Variants in ICA1L observed in about 807,000 individuals in gnomAD.
ICA1L encodes islet cell autoantigen 1-like protein.
In ICA1L, 50 loss-of-function variants were observed where a neutral mutation model predicts 61.3. That is an observed-to-expected ratio of 0.82 (90% confidence interval 0.65 to 1.03). The LOEUF (loss-of-function observed/expected upper bound fraction) is 1.03. Among genes scored for constraint, ICA1L ranks in the 50% least tolerant of loss-of-function variants. The pLI is 0.00. For missense variants in ICA1L, 508 were observed against 556.7 expected (o/e 0.91, Z 0.88); for synonymous variants, 161 against 191.3 (o/e 0.84, Z 1.31).
intron 9 of ICA1L, among the ~76,000 whole-genome samples, chr2:202,810,747 T>A (rs1693353639): frequency 6.6e-6 from 1 of 152,184 alleles, no homozygotes; most frequent in Non-Finnish European, 1.5e-5. Context: ...ATTCTTTTTC[T>A]CAGCAAGGAA....
At chr2:202,811,832 AC>A in intron 8 of ICA1L, 43 bp from the exon 9 acceptor site, 1 of 1,391,224 alleles carries the variant, frequency 7.2e-7, no homozygotes, top group Non-Finnish European at 1.0e-6. Context: ...TTGTTATAAT[AC>A]ACTTGTGATT....
intron 10 of ICA1L, among the ~76,000 whole-genome samples, chr2:202,789,372 G>A (rs1415703303): frequency 3.3e-5 from 5 of 152,034 alleles, no homozygotes; most frequent in Non-Finnish European, 7.4e-5. Context: ...AAAAGACATA[G>A]AAACAAATTA....
chr2:202,815,288 A>C (rs1574348574), intron 7 of ICA1L, among the ~76,000 whole-genome samples: 1 of 152,164 alleles, frequency 6.6e-6, no homozygotes, highest in African/African-American at 2.4e-5. Context: ...TCCATCCTAA[A>C]CCCCAGAAAT....
At position 202,776,570 on chromosome 2, in the gene ICA1L, T is replaced by C. The variant is rs1176630900; in HGVS notation, c.*2963A>G. The C allele has an allele frequency of 1.3e-5, 2 of 152,230 alleles. No individual in the cohort carries two copies. The highest frequency in any genetic ancestry group is 2.9e-5 in the Non-Finnish European group (2 of 68,040). The allele number at this position is 152,230 out of a possible 1,614,324, so 9.4% of individuals were successfully genotyped here. A position where few individuals can be genotyped will look rare whatever the true frequency, so the allele number is the denominator to read the frequency against. On this transcript the variant is annotated 3_prime_UTR_variant, in exon 13 of 13. Transcript: ENST00000358299. ...GTTTTTTATATTAGCAGTATTGGTT[T>C]AATAGAGCAAAATTTCTTTCTGACC...
intron 9 of ICA1L, among the ~76,000 whole-genome samples, chr2:202,808,916 GGACA>G (rs1693300725): frequency 1.3e-5 from 2 of 152,146 alleles, no homozygotes; most frequent in African/African-American, 4.8e-5. Flanking sequence ...TTCCCAAGAA[GGACA>G]GGTACAAACA....
chr2:202,855,152 T>G (rs1037244072), intron 1 of ICA1L, among the ~76,000 whole-genome samples: 1 of 152,216 alleles, frequency 6.6e-6, no homozygotes, highest in East Asian at 1.9e-4. Context: ...TAAAGCAGTG[T>G]TAAGAAGGAA....
At chr2:202,785,479 G>A (rs1241920891) in intron 12 of ICA1L, among the ~76,000 whole-genome samples, 1 of 152,132 alleles carries the variant, frequency 6.6e-6, no homozygotes, top group Non-Finnish European at 1.5e-5. Flanking sequence ...AGTGAGTGCA[G>A]TGGCACAATC....
In ICA1L at chr2:202,774,968, A is replaced by C. The variant is rs1692177651; in HGVS notation, c.*4565T>G. 6.6e-6 allele frequency: 1 copy of C among 152,240 alleles called. No homozygotes were observed. Among genetic ancestry groups the C allele is most frequent in the Non-Finnish European group, 1.5e-5 (1 of 68,050 alleles). 9.4% of individuals were successfully genotyped at this position (152,240 alleles called of 1,614,324 possible). A position where few individuals can be genotyped will look rare whatever the true frequency, so the allele number is the denominator to read the frequency against. ...AATGAGTAGTTAATTTACACCACTG[A>C]GTGAAGAACCATGTTTTGACTTTAA... On this transcript the variant is annotated 3_prime_UTR_variant, in exon 13 of 13. Coordinates refer to ENST00000358299, the MANE Select transcript of ICA1L (RefSeq NM_001288622.3).
In ICA1L at chr2:202,819,795, G is replaced by A. The variant is rs777217598; in HGVS notation, c.464C>T (p.Ala155Val). ...TLMTINRMEQARTEYRGALLW... is the reference protein window; with the variant it reads ...TLMTINRMEQVRTEYRGALLW... Reference sequence around the variant, plus strand: ...TAGAGCTCCTCTGTATTCTGTGCGTGCCTGCTCCATCCGATTAATTGTCAT... The same window carrying A: ...TAGAGCTCCTCTGTATTCTGTGCGTACCTGCTCCATCCGATTAATTGTCAT... The change falls in exon 5 of 13, where the codon GCA becomes GTA. Residue 155 changes from alanine (A) to valine (V), a missense_variant. By Grantham distance (64) the Ala-to-Val change is moderately conservative. Coordinates refer to ENST00000358299, the MANE Select transcript of ICA1L (RefSeq NM_001288622.3). 6.2e-7 allele frequency: 1 copy of A among 1,613,824 alleles called. No individual in the cohort carries two copies. The highest frequency in any genetic ancestry group is 8.5e-7 in the Non-Finnish European group (1 of 1,179,740).
chr2:202,846,835 T>C (rs975895015), intron 1 of ICA1L, among the ~76,000 whole-genome samples: 2 of 152,224 alleles, frequency 1.3e-5, no homozygotes, highest in African/African-American at 2.4e-5. Context: ...TAAGTGCATA[T>C]AAAAATATCT....
At position 202,779,318 on chromosome 2, in the gene ICA1L, T is replaced by C. The variant is rs925150143; in HGVS notation, c.*215A>G. On this transcript the variant is annotated 3_prime_UTR_variant, in exon 13 of 13. Coordinates refer to ENST00000358299, the MANE Select transcript of ICA1L (RefSeq NM_001288622.3). ...ATTTTCCACATAGAAGTTTCTAATATTTTCCACATAGTACCAACAGCTGCA... is the reference window on the plus strand; with the variant it reads ...ATTTTCCACATAGAAGTTTCTAATACTTTCCACATAGTACCAACAGCTGCA... 1.2e-5 allele frequency: 5 copies of C among 408,494 alleles called. No individual in the cohort carries two copies. The highest frequency in any genetic ancestry group is 8.2e-5 in the African/African-American group (4 of 48,830). The allele number at this position is 408,494 out of a possible 1,614,324, so 25.3% of individuals were successfully genotyped here.
Position 202,815,980 on chromosome 2 carries a change from T to C in ICA1L, c.714A>G (p.Thr238=). The C allele has an allele frequency of 6.2e-7, 1 of 1,604,426 alleles. No individual in the cohort carries two copies. The change falls in exon 7 of 13, where the codon ACA becomes ACG. Residue 238 remains threonine (T), a synonymous_variant. Transcript: ENST00000358299. The part of the protein sequence containing the change: ...QRTLLGFWKK[T]ARMMSQIHEA... ...CATGAATTTGGGACATCATTCGAGC[T>C]GTTTTCTTCCAGAATCCAAGCAGTG...
intron 1 of ICA1L, among the ~76,000 whole-genome samples, chr2:202,845,461 T>C (rs1367838629): frequency 6.6e-6 from 1 of 152,024 alleles, no homozygotes; most frequent in Non-Finnish European, 1.5e-5. Flanking sequence ...ACCCTGTTTC[T>C]ACTAAAAATA....
rs905067239 is a variant in ICA1L at position 202,777,876 on chromosome 2, CTTTTTTTTTTT to C, written c.*1646_*1656del. On this transcript the variant is annotated 3_prime_UTR_variant, in exon 13 of 13. Transcript: ENST00000358299. ...ACTGTGAATAACTTAGTTAAAATGT[CTTTTTTTTTTT>C]TTTTTTTTTTTGAGACGGAGTCTTG... 1.2e-4 allele frequency: 14 copies of C among 116,916 alleles called. No homozygotes were observed. The highest frequency in any genetic ancestry group is 4.4e-4 in the African/African-American group (13 of 29,784). The allele number at this position is 116,916 out of a possible 1,614,324, so 7.2% of individuals were successfully genotyped here. A position where few individuals can be genotyped will look rare whatever the true frequency, so the allele number is the denominator to read the frequency against.
At chr2:202,861,883 C>CAAAAA (rs71030996) in intron 1 of ICA1L, among the ~76,000 whole-genome samples, 1 of 40,908 alleles carries the variant, frequency 2.4e-5, no homozygotes, top group Non-Finnish European at 4.1e-5. Flanking sequence ...GATTCAGACT[C>CAAAAA]AAAAAAAAAA....
At chr2:202,782,509 G>C (rs1254056634) in intron 12 of ICA1L, among the ~76,000 whole-genome samples, 1 of 151,534 alleles carries the variant, frequency 6.6e-6, no homozygotes, top group East Asian at 2.0e-4. Flanking sequence ...CCAGGTTCAA[G>C]TGATTCTCCT....
chr2:202,806,414 G>A lies in ICA1L; in HGVS notation c.910+5332C>T, dbSNP rs191188735. Among the ~76,000 whole-genome samples the A allele has an allele frequency of 1.9e-4, 29 of 152,174 alleles. No homozygotes were observed. In the East Asian group the frequency reaches 2.9e-3, roughly 15 times the overall value. ...CTGGAAGAATTTATCAAATCCTTCC[G>A]AAGGCGGATTGCTTTGAGCCCAGGA... On this transcript the variant is annotated intron_variant, in intron 9 of 12. Transcript: ENST00000358299.
At chr2:202,780,313 T>A (rs1273021309) in intron 12 of ICA1L, among the ~76,000 whole-genome samples, 5 of 152,356 alleles carry the variant, frequency 3.3e-5, no homozygotes, top group Middle Eastern at 3.4e-3. Flanking sequence ...ATGTGCACTT[T>A]AAAACTTTTT....
At chr2:202,816,768 T>C (rs779136405) in intron 6 of ICA1L, among the ~76,000 whole-genome samples, 4 of 152,168 alleles carry the variant, frequency 2.6e-5, no homozygotes, top group Admixed American at 6.5e-5. Context: ...AAGTACAGTT[T>C]ATTCAATTTT....
Sources: gnomAD v4.1 joint callset for allele counts (sites outside exome capture counted in the v4.1 genomes callset) on GRCh38, gnomAD v4.1.1 for gene constraint, MANE v1.5 for transcripts, NCBI Gene and HGNC (gene_info 2026-07-23, HGNC 2026-07-21) for gene names.